TNPO3: variants seen among roughly 807,000 people sequenced by gnomAD.
The protein encoded by TNPO3 is transportin-3.
Under a neutral mutation model 122.8 loss-of-function variants are expected in TNPO3, and 65 were observed. The observed-to-expected ratio is 0.53, with a 90% CI of 0.43 to 0.65. The LOEUF (loss-of-function observed/expected upper bound fraction) is 0.65. TNPO3 is among the 30% of genes least tolerant of loss of function. The pLI is 0.00. For synonymous variants in TNPO3, 372 were observed against 411.2 expected, an observed-to-expected ratio of 0.90 and a Z score of 1.15; for missense variants, 850 against 1,136.7, an observed-to-expected ratio of 0.75 and a Z score of 3.63.
chr7:128,982,350 C>A (rs1244013538), intron 13 of TNPO3, 26 bp from the exon 14 acceptor site: 5 of 1,599,162 alleles, frequency 3.1e-6, no homozygotes, highest in Non-Finnish European at 4.3e-6. Flanking sequence ...GACATTAACA[C>A]CCAATTGTCA....
chr7:128,970,029 T>A lies in TNPO3; in HGVS notation c.2598+119A>T. 1.7e-6 allele frequency: 2 copies of A among 1,196,566 alleles called. 1 individual carries two copies. The highest frequency in any genetic ancestry group is 2.7e-5 in the South Asian group (2 of 74,212). The allele number at this position is 1,196,566 out of a possible 1,614,324, so 74.1% of individuals were successfully genotyped here. A position where few individuals can be genotyped will look rare whatever the true frequency, so the allele number is the denominator to read the frequency against. On this transcript the variant is annotated intron_variant, in intron 20 of 22. Transcript: ENST00000265388. Reference sequence around the variant, plus strand: ...TACCAATCTAATTTGGCAATATGCCTAAATTTGGTTCCATGGACAGAAAAC... The same window carrying A: ...TACCAATCTAATTTGGCAATATGCCAAAATTTGGTTCCATGGACAGAAAAC...
In TNPO3 at chr7:129,054,763, C is replaced by A. The variant is rs1224589918; in HGVS notation, c.8G>T (p.Gly3Val). ME[G>V]AKPTLQLVYQ... ...CACGAGCTGCAATGTCGGCTTTGCT[C>A]CTTCCATGGTGGTGGCGGTAGTGGC... The change falls in exon 1 of 23, where the codon GGA (glycine) becomes GTA (valine). Residue 3 changes from glycine to valine, a missense_variant. Physicochemically the swap from Gly to Val is moderately radical, Grantham distance 109. Coordinates refer to ENST00000265388, the MANE Select transcript of TNPO3 (RefSeq NM_012470.4). 2 of 1,614,116 alleles carry A rather than the reference C, an allele frequency of 1.2e-6. No individual in the cohort carries two copies. Among genetic ancestry groups the A allele is most frequent in the South Asian group, 1.1e-5 (1 of 91,078 alleles).
intron 11 of TNPO3, among the ~76,000 whole-genome samples, chr7:128,988,329 T>C (rs563320149): frequency 1.3e-5 from 2 of 152,290 alleles, no homozygotes; most frequent in East Asian, 3.9e-4. Context: ...TCTAGTCTAA[T>C]GATCAATACA....
rs1809297312 is a variant in TNPO3 at position 129,054,845 on chromosome 7, C to A, written c.-75G>T. 6 of 1,601,032 alleles carry A rather than the reference C, an allele frequency of 3.7e-6. No individual in the cohort carries two copies. Among genetic ancestry groups the A allele is most frequent in the Middle Eastern group, 1.7e-4 (1 of 6,052 alleles). The stretch of plus-strand genomic sequence containing the variant: ...ATTCCTCGGTTGCTCCGCCTTCGCG[C>A]TTCCTCACTGTCTGGGCCACGGCCG... On this transcript the variant is annotated 5_prime_UTR_variant, in exon 1 of 23. Transcript: ENST00000265388.
chr7:129,005,273 T>C, intron 4 of TNPO3, 114 bp from the exon 5 acceptor site: 1 of 1,024,436 alleles, frequency 9.8e-7, no homozygotes, highest in Non-Finnish European at 1.4e-6. Context: ...CAGCCAACGG[T>C]TAAAAGTGCT....
At chr7:128,969,364 T>C (rs186858373) in intron 20 of TNPO3, among the ~76,000 whole-genome samples, 1 of 152,186 alleles carries the variant, frequency 6.6e-6, no homozygotes, top group Non-Finnish European at 1.5e-5. Context: ...CAGAGAGGAA[T>C]AGGTACTATC....
chr7:128,987,789 G>A lies in TNPO3; in HGVS notation c.1499-869C>T, dbSNP rs1800323874. On this transcript the variant is annotated intron_variant, in intron 11 of 22. Transcript: ENST00000265388. ...GACGATTGTTTCACCACATTGGCCAGGCTGGTCTCAAACTCCTGGCCTCAA... is the reference window on the plus strand; with the variant it reads ...GACGATTGTTTCACCACATTGGCCAAGCTGGTCTCAAACTCCTGGCCTCAA... Among the ~76,000 whole-genome samples, 3 of 151,914 alleles carry A rather than the reference G, an allele frequency of 2.0e-5. No individual in the cohort carries two copies. The South Asian group carries it at 6.2e-4, about 32-fold the overall frequency.
rs1349036588 is a variant in TNPO3, at chr7:128,974,261, C to T, written c.2273+607G>A. Reference sequence around the variant, plus strand: ...ATTTGTAAATGATATAACAGTTGGGCTTTTGTTGTTTCGAAAATAATGATT... The same window carrying T: ...ATTTGTAAATGATATAACAGTTGGGTTTTTGTTGTTTCGAAAATAATGATT... On this transcript the variant is annotated intron_variant, in intron 18 of 22. Transcript: ENST00000265388. Among the ~76,000 whole-genome samples the T allele has an allele frequency of 1.2e-4, 18 of 146,756 alleles. 1 individual carries two copies. The South Asian group carries it at 2.8e-3, about 23-fold the overall frequency.
At chr7:129,018,349 C>T (rs1804074887) in intron 1 of TNPO3, among the ~76,000 whole-genome samples, 192 bp from the exon 2 acceptor site, 1 of 151,924 alleles carries the variant, frequency 6.6e-6, no homozygotes, top group Non-Finnish European at 1.5e-5. Flanking sequence ...AAAATAATTA[C>T]CTAAAATCTG....
chr7:128,963,888 GCA>G (rs1797691723), intron 21 of TNPO3, among the ~76,000 whole-genome samples: 1 of 152,176 alleles, frequency 6.6e-6, no homozygotes, highest in Admixed American at 6.5e-5. Context: ...ATAAAAAAGT[GCA>G]CATAGTGCAG....
At chr7:129,050,166 A>G (rs1022182463) in intron 1 of TNPO3, among the ~76,000 whole-genome samples, 8 of 152,038 alleles carry the variant, frequency 5.3e-5, no homozygotes, top group South Asian at 2.1e-4. Context: ...GGCAGATCAC[A>G]AGGTCAGGAG....
chr7:128,985,083 A>C (rs1234142390), intron 12 of TNPO3, among the ~76,000 whole-genome samples: 1 of 152,144 alleles, frequency 6.6e-6, no homozygotes, highest in Non-Finnish European at 1.5e-5. Flanking sequence ...AGGTCAAAAA[A>C]CACCTTGAAT....
upstream of TNPO3, chr7:129,055,816 G>A (rs1027588079): frequency 5.9e-5 from 30 of 507,944 alleles, no homozygotes; most frequent in Admixed American, 8.0e-4. Flanking sequence ...GGAGAAATTA[G>A]GGACAAAAGG....
chr7:128,967,681 T>G (rs148502718), intron 20 of TNPO3, among the ~76,000 whole-genome samples: 8 of 152,336 alleles, frequency 5.3e-5, no homozygotes, highest in African/African-American at 1.9e-4. Flanking sequence ...ATGAGGCTAT[T>G]GTTTTGTTCC....
chr7:128,970,122 T>A, intron 20 of TNPO3, 26 bp downstream of exon 20: 1 of 1,613,794 alleles, frequency 6.2e-7, no homozygotes, highest in Non-Finnish European at 8.5e-7. Flanking sequence ...GACTATGAGA[T>A]AAATTCCTCA....
At chr7:128,967,503 C>CAAGTG in intron 20 of TNPO3, 111 bp from the exon 21 acceptor site, 1 of 666,842 alleles carries the variant, frequency 1.5e-6, no homozygotes, top group Non-Finnish European at 2.7e-6. Flanking sequence ...ATTTACTTCC[C>CAAGTG]TACACTTGGG....
intron 1 of TNPO3, among the ~76,000 whole-genome samples, chr7:129,020,047 G>A (rs1323765108): frequency 6.6e-6 from 1 of 151,864 alleles, no homozygotes; most frequent in African/African-American, 2.4e-5. Flanking sequence ...ATGCACCTGT[G>A]ATCCCAGCTA....
At chr7:129,035,012 C>A (rs1329663662) in intron 1 of TNPO3, among the ~76,000 whole-genome samples, 1 of 150,968 alleles carries the variant, frequency 6.6e-6, no homozygotes, top group African/African-American at 2.4e-5. Context: ...CGGTGGCTCA[C>A]GCCTGTAATC....
intron 10 of TNPO3, among the ~76,000 whole-genome samples, chr7:128,991,050 T>C (rs548220457): frequency 6.6e-6 from 1 of 152,214 alleles, no homozygotes; most frequent in African/African-American, 2.4e-5. Flanking sequence ...GAAGACTATC[T>C]AGCCATCATT....
Sources: gnomAD v4.1 joint callset for allele counts (sites outside exome capture counted in the v4.1 genomes callset) on GRCh38, gnomAD v4.1.1 for gene constraint, MANE v1.5 for transcripts, NCBI Gene and HGNC (gene_info 2026-07-23, HGNC 2026-07-21) for gene names.